The following TYW3 variants were observed in gnomAD, a reference collection of about 807,000 sequenced individuals.
TYW3 encodes tRNA-yW synthesizing protein 3 homolog.
In TYW3, 26 loss-of-function variants were observed where a neutral mutation model predicts 23.1. The ratio of observed to expected loss-of-function variants is 1.13; its 90% CI spans 0.83 to 1.56. TYW3 has a LOEUF of 1.56. Ranked by LOEUF, TYW3 falls within the 40% of genes most tolerant of loss-of-function variation. The pLI is 0.00. For synonymous variants in TYW3, 102 were observed against 105.7 expected (o/e 0.97, Z 0.21); for missense variants, 316 against 311.9 (o/e 1.01, Z -0.10).
At chr1:74,740,808 T>C (rs1648327371) in intron 3 of TYW3, among the ~76,000 whole-genome samples, 1 of 152,224 alleles carries the variant, frequency 6.6e-6, no homozygotes, top group Non-Finnish European at 1.5e-5. Flanking sequence ...GAGCGCTAAT[T>C]GGTGCGTTTT....
chr1:74,749,827 G>T lies in TYW3; in HGVS notation c.426+1005G>T, dbSNP rs558917020. ...AAAAATTAGCTGGGCGTGGTGGTGCGTAGCTGTGGTCCCAGCTACTCAGGA... is the reference window on the plus strand; with the variant it reads ...AAAAATTAGCTGGGCGTGGTGGTGCTTAGCTGTGGTCCCAGCTACTCAGGA... On this transcript the variant is annotated intron_variant, in intron 4 of 5. Transcript: ENST00000370867. Among the ~76,000 whole-genome samples, 12 of 152,184 alleles carry T rather than the reference G, an allele frequency of 7.9e-5. No individual in the cohort carries two copies. The South Asian group carries it at 2.1e-3, about 26-fold the overall frequency.
At chr1:74,735,954 A>T (rs1648139063) in intron 1 of TYW3, among the ~76,000 whole-genome samples, 1 of 152,188 alleles carries the variant, frequency 6.6e-6, no homozygotes, top group Non-Finnish European at 1.5e-5. Context: ...CTTTGCAAAT[A>T]AACATTTGTT....
At chr1:74,760,134 A>G (rs1004582289) in intron 5 of TYW3, among the ~76,000 whole-genome samples, 2 of 152,184 alleles carry the variant, frequency 1.3e-5, no homozygotes, top group African/African-American at 2.4e-5. Context: ...AAATATATTT[A>G]TTATTCATTA....
At chr1:74,750,687 A>G (rs2100768746) in intron 4 of TYW3, among the ~76,000 whole-genome samples, 1 of 152,156 alleles carries the variant, frequency 6.6e-6, no homozygotes, top group South Asian at 2.1e-4. Context: ...TGCTCCAGCT[A>G]TATAGAACTA....
chr1:74,742,143 T>G (rs1024504605), intron 3 of TYW3, among the ~76,000 whole-genome samples: 2 of 152,206 alleles, frequency 1.3e-5, no homozygotes, highest in African/African-American at 4.8e-5. Flanking sequence ...CTTAGGCATA[T>G]GGGTGAAGTC....
chr1:74,741,440 TG>T (rs1648359478), intron 3 of TYW3, among the ~76,000 whole-genome samples: 1 of 152,076 alleles, frequency 6.6e-6, no homozygotes, highest in African/African-American at 2.4e-5. Flanking sequence ...AACTGGGGTG[TG>T]GTGAATCCAA....
chr1:74,756,207 G>C (rs1335747748), intron 5 of TYW3, among the ~76,000 whole-genome samples: 4 of 152,160 alleles, frequency 2.6e-5, no homozygotes, highest in African/African-American at 7.2e-5. Context: ...CACTATAGTG[G>C]GGCACTGCGG....
chr1:74,746,938 A>G (rs1648583713), intron 3 of TYW3, among the ~76,000 whole-genome samples: 1 of 152,250 alleles, frequency 6.6e-6, no homozygotes, highest in Non-Finnish European at 1.5e-5. Flanking sequence ...ACAGAGGAAC[A>G]GCAAAAATAA....
intron 5 of TYW3, among the ~76,000 whole-genome samples, chr1:74,755,472 G>A (rs1463957784): frequency 6.6e-6 from 1 of 152,206 alleles, no homozygotes; most frequent in Admixed American, 6.5e-5. Context: ...CTTCGTTAAT[G>A]TAGGATTCAT....
At position 74,752,340 on chromosome 1, in the gene TYW3, A is replaced by G; in HGVS notation, c.475A>G (p.Lys159Glu). ...AGAAGTTCCATTAAGCCATAAGGGA[A>G]AACTGATGGTGACAGAGGAATATAT... ...GLEVPLSHKG[K>E]LMVTEEYIDF... The change falls in exon 5 of 6, where the codon AAA becomes GAA. Residue 159 changes from lysine (K) to glutamate (E), a missense_variant. Physicochemically the swap from Lys to Glu is moderately conservative, Grantham distance 56. Coordinates refer to ENST00000370867, the MANE Select transcript of TYW3 (RefSeq NM_138467.3). 2 of 1,613,652 alleles carry G rather than the reference A, an allele frequency of 1.2e-6. No individual in the cohort carries two copies. Among genetic ancestry groups the G allele is most frequent in the East Asian group, 2.2e-5 (1 of 44,816 alleles).
chr1:74,747,886 T>TACACATATAC (rs1491403304), intron 3 of TYW3, among the ~76,000 whole-genome samples: 43 of 147,438 alleles, frequency 2.9e-4, no homozygotes, highest in African/African-American at 9.8e-4. Context: ...CACACACATA[T>TACACATATAC]ACACATATAC....
At chr1:74,760,758 T>TCA (rs1649113214) in intron 5 of TYW3, among the ~76,000 whole-genome samples, 1 of 152,202 alleles carries the variant, frequency 6.6e-6, no homozygotes, top group Non-Finnish European at 1.5e-5. Context: ...TAAATACATA[T>TCA]TAGAATAGCC....
rs112260887 is a variant in TYW3 at position 74,736,481 on chromosome 1, T to C, written c.175-61T>C. 66 of 1,267,290 alleles carry C rather than the reference T, an allele frequency of 5.2e-5. No homozygotes were observed. The African/African-American group carries it at 9.2e-4, about 18-fold the overall frequency. The allele number at this position is 1,267,290 out of a possible 1,614,324, so 78.5% of individuals were successfully genotyped here. On this transcript the variant is annotated intron_variant, in intron 1 of 5. Coordinates refer to ENST00000370867, the MANE Select transcript of TYW3 (RefSeq NM_138467.3). ...AGAAAGCCTACAATATACTATGCATTATGCTTATTATTTTTGTAAAATATT... is the reference window on the plus strand; with the variant it reads ...AGAAAGCCTACAATATACTATGCATCATGCTTATTATTTTTGTAAAATATT...
At chr1:74,759,010 A>G (rs188888714) in intron 5 of TYW3, among the ~76,000 whole-genome samples, 43 of 152,360 alleles carry the variant, frequency 2.8e-4, no homozygotes, top group African/African-American at 9.6e-4. Flanking sequence ...CTTGTTCATT[A>G]TATTCTGAGT....
intron 1 of TYW3, among the ~76,000 whole-genome samples, chr1:74,734,643 T>A (rs965169841): frequency 1.3e-5 from 2 of 152,172 alleles, no homozygotes; most frequent in African/African-American, 4.8e-5. Flanking sequence ...TTGGGACATA[T>A]CCCCTGAGGA....
intron 3 of TYW3, among the ~76,000 whole-genome samples, chr1:74,743,115 G>T (rs1359940587): frequency 2.0e-5 from 3 of 152,160 alleles, no homozygotes; most frequent in Non-Finnish European, 4.4e-5. Flanking sequence ...TCCAGTGATT[G>T]CCCTGGCATA....
chr1:74,733,473 G>T (rs923111431), intron 1 of TYW3, 55 bp downstream of exon 1: 12 of 1,593,406 alleles, frequency 7.5e-6, no homozygotes, highest in Admixed American at 5.1e-5. Context: ...AACTTCAGGA[G>T]CCCTGTTCCC....
intron 2 of TYW3, 57 bp from the exon 3 acceptor site, chr1:74,738,633 G>A (rs1165989896): frequency 2.4e-6 from 3 of 1,241,598 alleles, no homozygotes. Flanking sequence ...ATGGGGTAAA[G>A]GGTCGCCAAA....
chr1:74,762,889 G>C lies in TYW3; in HGVS notation c.561-1005G>C, dbSNP rs547009528. On this transcript the variant is annotated intron_variant, in intron 5 of 5. Transcript: ENST00000370867. Reference sequence around the variant, plus strand: ...TAACATGAGGGTAGAAAAGAAATGAGGCCTGGTTTTCAGAGAGCCTACAGT... The same window carrying C: ...TAACATGAGGGTAGAAAAGAAATGACGCCTGGTTTTCAGAGAGCCTACAGT... Among the ~76,000 whole-genome samples the C allele has an allele frequency of 7.2e-4, 109 of 151,876 alleles. 1 individual carries two copies. Among genetic ancestry groups the C allele is most frequent in the African/African-American group, 2.6e-3 (108 of 41,426 alleles).
Sources: gnomAD v4.1 joint callset for allele counts (sites outside exome capture counted in the v4.1 genomes callset) on GRCh38, gnomAD v4.1.1 for gene constraint, MANE v1.5 for transcripts, NCBI Gene and HGNC (gene_info 2026-07-23, HGNC 2026-07-21) for gene names.